Variants in NCAM1 observed in about 807,000 individuals in gnomAD.
NCAM1 encodes antigen recognized by monoclonal antibody 5.1H11.
NCAM1 carries 14 observed loss-of-function variants against 109.8 expected under a neutral mutation model. The observed-to-expected ratio is 0.13, with a 90% CI of 0.08 to 0.20. NCAM1 has a LOEUF of 0.20. Ranked by LOEUF, NCAM1 falls within the 10% of genes least tolerant of loss-of-function variation. The pLI, the probability that NCAM1 is intolerant of heterozygous loss-of-function variation, is 1.00. For synonymous variants in NCAM1, 418 were observed against 442.9 expected, an observed-to-expected ratio of 0.94 and a Z score of 0.70; for missense variants, 774 against 1,109.9, an observed-to-expected ratio of 0.70 and a Z score of 4.30.
chr11:113,064,966 T>C (rs919709900), intron 1 of NCAM1, among the ~76,000 whole-genome samples: 1 of 152,196 alleles, frequency 6.6e-6, no homozygotes, highest in Non-Finnish European at 1.5e-5. Flanking sequence ...AATGATACTC[T>C]AGTAGCAACA....
intron 14 of NCAM1, chr11:113,236,262 T>G: frequency 1.2e-6 from 2 of 1,612,060 alleles, no homozygotes; most frequent in Non-Finnish European, 1.7e-6. Flanking sequence ...TGTCTCTTGT[T>G]TTTTCTTTTC....
At chr11:113,227,092 G>A (rs1944874361) in intron 9 of NCAM1, among the ~76,000 whole-genome samples, 1 of 152,154 alleles carries the variant, frequency 6.6e-6, no homozygotes, top group Non-Finnish European at 1.5e-5. Flanking sequence ...GAGCAGAACT[G>A]AAGGAGACAG....
Position 113,207,980 on chromosome 11 carries a change from G to T in NCAM1, c.894G>T (p.Ala298=). 1 of 1,610,240 alleles carries T rather than the reference G, an allele frequency of 6.2e-7. No homozygotes were observed. Among genetic ancestry groups the T allele is most frequent in the Non-Finnish European group, 8.5e-7 (1 of 1,178,394 alleles). ...AGAACAAGGCTGGCGAGCAGGATGC[G>T]ACCATCCACCTCAAAGTCTTTGGTA... The part of the protein sequence containing the change: ...IAENKAGEQD[A]TIHLKVFAKP... The change falls in exon 7 of 20, where the codon GCG becomes GCT. Residue 298 remains alanine (A), a synonymous_variant. Transcript: ENST00000316851.
At chr11:113,013,967 A>G (rs1952142673) in intron 1 of NCAM1, among the ~76,000 whole-genome samples, 1 of 152,192 alleles carries the variant, frequency 6.6e-6, no homozygotes, top group South Asian at 2.1e-4. Context: ...AGATAAAACT[A>G]CATTTCTTAG....
intron 1 of NCAM1, among the ~76,000 whole-genome samples, chr11:113,069,630 C>T (rs1324023392): frequency 6.6e-6 from 1 of 152,008 alleles, no homozygotes; most frequent in Non-Finnish European, 1.5e-5. Context: ...GAGGCAGGTG[C>T]AAGTTTTTAA....
chr11:113,221,519 C>T (rs568228386), intron 9 of NCAM1, 194 bp downstream of exon 9: 11 of 518,722 alleles, frequency 2.1e-5, no homozygotes, highest in African/African-American at 5.7e-5. Context: ...AGTGGATGAA[C>T]AAATCCATAT....
rs192960626 is a variant in NCAM1 at position 112,978,152 on chromosome 11, G to A, written c.52+16488G>A. On this transcript the variant is annotated intron_variant, in intron 1 of 19. Transcript: ENST00000316851. ...ATAATTTTGTAAGCATTTTCTCCTT[G>A]TTATGTATCCGAAAAGAGGTAGAAT... 9.2e-5 allele frequency among the ~76,000 whole-genome samples: 14 copies of A among 151,774 alleles called. No individual in the cohort carries two copies. The East Asian group carries it at 2.7e-3, about 29-fold the overall frequency.
chr11:113,152,711 G>T (rs1353274131), intron 1 of NCAM1, among the ~76,000 whole-genome samples: 1 of 152,160 alleles, frequency 6.6e-6, no homozygotes, highest in African/African-American at 2.4e-5. Context: ...ATTGTTCTAG[G>T]TGCTGAATAT....
chr11:112,975,366 A>G (rs1950979944), intron 1 of NCAM1, among the ~76,000 whole-genome samples: 1 of 152,022 alleles, frequency 6.6e-6, no homozygotes, highest in Non-Finnish European at 1.5e-5. Flanking sequence ...CCCGTATTCT[A>G]TGTAGTTGGT....
At chr11:113,251,626 G>A (rs538761613) in intron 15 of NCAM1, among the ~76,000 whole-genome samples, 20 of 152,162 alleles carry the variant, frequency 1.3e-4, no homozygotes, top group African/African-American at 4.6e-4. Flanking sequence ...ATACATTTTG[G>A]GGGGAACATT....
chr11:113,210,816 A>ATAT (rs1944369488), intron 7 of NCAM1, among the ~76,000 whole-genome samples: 1 of 150,114 alleles, frequency 6.7e-6, no homozygotes, highest in Non-Finnish European at 1.5e-5. Flanking sequence ...ACACACACAC[A>ATAT]CACACATATT....
chr11:113,231,200 A>G (rs1317868640), intron 9 of NCAM1: 5 of 1,536,022 alleles, frequency 3.3e-6, no homozygotes, highest in East Asian at 2.4e-5. Flanking sequence ...CCACAGGTAC[A>G]TGCACCATGG....
intron 15 of NCAM1, among the ~76,000 whole-genome samples, chr11:113,253,653 G>A (rs1260456044): frequency 6.6e-6 from 1 of 152,132 alleles, no homozygotes; most frequent in Admixed American, 6.5e-5. Context: ...CGTGCAGCCA[G>A]GGAGGCCCCA....
At chr11:113,219,700 T>C (rs1192761336) in intron 8 of NCAM1, among the ~76,000 whole-genome samples, 3 of 152,224 alleles carry the variant, frequency 2.0e-5, no homozygotes, top group African/African-American at 7.2e-5. Flanking sequence ...CACAGAACCA[T>C]AGTGATTTGG....
At chr11:113,095,162 G>A (rs1359932040) in intron 1 of NCAM1, among the ~76,000 whole-genome samples, 1 of 152,142 alleles carries the variant, frequency 6.6e-6, no homozygotes, top group Non-Finnish European at 1.5e-5. Context: ...TATGATTGAA[G>A]AGCGGCAGTA....
chr11:113,000,895 GTGTATA>G (rs1392209232), intron 1 of NCAM1, among the ~76,000 whole-genome samples: 1 of 147,892 alleles, frequency 6.8e-6, no homozygotes, highest in African/African-American at 2.5e-5. Flanking sequence ...GTATGTGTAC[GTGTATA>G]TGTATATGTG....
chr11:113,144,662 C>T (rs1200867641), intron 1 of NCAM1, among the ~76,000 whole-genome samples: 1 of 152,160 alleles, frequency 6.6e-6, no homozygotes, highest in Non-Finnish European at 1.5e-5. Flanking sequence ...AAGATCGGTT[C>T]AGCATTTGTA....
chr11:113,058,437 A>G (rs1418518160), intron 1 of NCAM1, among the ~76,000 whole-genome samples: 1 of 152,202 alleles, frequency 6.6e-6, no homozygotes, highest in Non-Finnish European at 1.5e-5. Context: ...AGGCACAGGT[A>G]AGCATTAGGA....
chr11:112,995,184 T>C (rs4439551), intron 1 of NCAM1, among the ~76,000 whole-genome samples: 69,524 of 151,812 alleles, frequency 0.46, 16,733 homozygotes, highest in East Asian at 0.8. Context: ...CTAAACTGCA[T>C]CCTACCCCCC....
Sources: allele counts gnomAD v4.1 joint callset (sites outside exome capture counted in the v4.1 genomes callset), GRCh38; gene constraint gnomAD v4.1.1; transcripts MANE v1.5; gene names NCBI Gene and HGNC (gene_info 2026-07-23, HGNC 2026-07-21).